GLCCI1: variants seen among roughly 807,000 people sequenced by gnomAD.
GLCCI1 encodes the protein glucocorticoid-induced transcript 1 protein.
In GLCCI1, 24 loss-of-function variants were observed where a neutral mutation model predicts 52.2. That is an observed-to-expected ratio of 0.46 (90% CI 0.33 to 0.65). The LOEUF (loss-of-function observed/expected upper bound fraction) is 0.65, where lower values mean the gene tolerates loss of function less well. GLCCI1 is among the 30% of genes least tolerant of loss of function. GLCCI1 has a pLI of 0.02. For synonymous variants in GLCCI1, 310 were observed against 276.5 expected, an observed-to-expected ratio of 1.12 and a Z score of -1.20; for missense variants, 704 against 701.5, an observed-to-expected ratio of 1.00 and a Z score of -0.04.
chr7:8,081,474 C>A (rs1025921126), intron 6 of GLCCI1, among the ~76,000 whole-genome samples: 1 of 152,134 alleles, frequency 6.6e-6, no homozygotes, highest in Non-Finnish European at 1.5e-5. Flanking sequence ...ATGAATCAAC[C>A]TTTATATATG....
intron 5 of GLCCI1, among the ~76,000 whole-genome samples, chr7:8,067,717 G>C (rs772002349): frequency 6.6e-6 from 1 of 152,236 alleles, no homozygotes; most frequent in Non-Finnish European, 1.5e-5. Flanking sequence ...AAGGTCTTCT[G>C]TTGGCCTCAT....
chr7:7,985,691 T>A (rs1186352797), intron 1 of GLCCI1, among the ~76,000 whole-genome samples: 1 of 152,224 alleles, frequency 6.6e-6, no homozygotes, highest in Non-Finnish European at 1.5e-5. Flanking sequence ...ACCTCAGAGT[T>A]ATTTGGTAAG....
rs148299267 is a variant in GLCCI1 at position 8,021,032 on chromosome 7, A to G, written c.610-1451A>G. Among the ~76,000 whole-genome samples the G allele has an allele frequency of 5.6e-3, 860 of 152,296 alleles. 4 individuals carry two copies. Among genetic ancestry groups the G allele is most frequent in the African/African-American group, 0.019 (802 of 41,580 alleles). On this transcript the variant is annotated intron_variant, in intron 2 of 7. Transcript: ENST00000223145. ...ATTGAATAAAGTATTTTACTCTGTC[A>G]ATTGACTTAAAAACTTCTTTTTACT...
rs983781838 is a variant in GLCCI1, at chr7:8,087,179, TCATTA to T, written c.*646_*650del. 1.3e-5 allele frequency: 2 copies of T among 152,652 alleles called. No individual in the cohort carries two copies. Among genetic ancestry groups the T allele is most frequent in the African/African-American group, 4.8e-5 (2 of 41,452 alleles). 9.5% of individuals were successfully genotyped at this position (152,652 alleles called of 1,614,324 possible). ...CCTTATTTTATGCATTTCCCTTTCC[TCATTA>T]CATTCCACATTCTTAGAATAAGAAG... is the stretch of plus-strand genomic sequence containing the variant. On this transcript the variant is annotated 3_prime_UTR_variant, in exon 8 of 8. Coordinates refer to ENST00000223145, the MANE Select transcript of GLCCI1 (RefSeq NM_138426.4).
chr7:7,969,021 G>T lies in GLCCI1; in HGVS notation c.-330G>T. On this transcript the variant is annotated 5_prime_UTR_variant, in exon 1 of 8. Coordinates refer to ENST00000223145, the MANE Select transcript of GLCCI1 (RefSeq NM_138426.4). This position sits in a 1 kb window ranked among gnomAD's most constrained non-coding sequence, Gnocchi z 4.9. ...AGCGGCCCTCGGGGCTGCGTGATCC[G>T]GGCCGTTGCCCTGTCAGCACGATGC... The T allele has an allele frequency of 6.1e-6, 1 of 162,850 alleles. No individual in the cohort carries two copies. The highest frequency in any genetic ancestry group is 1.3e-5 in the Non-Finnish European group (1 of 74,626). 10.1% of individuals were successfully genotyped at this position (162,850 alleles called of 1,614,324 possible). A position where few individuals can be genotyped will look rare whatever the true frequency, so the allele number is the denominator to read the frequency against.
chr7:8,005,255 A>G (rs767646414), intron 2 of GLCCI1, among the ~76,000 whole-genome samples: 85 of 152,226 alleles, frequency 5.6e-4, no homozygotes, highest in Non-Finnish European at 4.1e-4. Context: ...AATAAAATTT[A>G]AAAATAATTT....
chr7:8,023,421 G>A (rs1475396179), intron 3 of GLCCI1, among the ~76,000 whole-genome samples: 1 of 151,786 alleles, frequency 6.6e-6, no homozygotes, highest in Non-Finnish European at 1.5e-5. Context: ...AACCTGAGGT[G>A]TCATATCTTT....
At chr7:7,991,315 T>A (rs1780834995) in intron 1 of GLCCI1, among the ~76,000 whole-genome samples, 1 of 152,098 alleles carries the variant, frequency 6.6e-6, no homozygotes, top group African/African-American at 2.4e-5. Context: ...TTAGATATCA[T>A]GAGAAGGGCT....
At chr7:8,068,296 G>T (rs183234950) in intron 5 of GLCCI1, among the ~76,000 whole-genome samples, 106 of 152,268 alleles carry the variant, frequency 7.0e-4, no homozygotes, top group African/African-American at 2.3e-3. Context: ...GTTGCAGTGA[G>T]CCGAGATTGT....
intron 1 of GLCCI1, among the ~76,000 whole-genome samples, chr7:7,997,115 A>G (rs868467419): frequency 6.6e-6 from 1 of 152,206 alleles, no homozygotes; most frequent in Non-Finnish European, 1.5e-5. Context: ...TAATAATTCT[A>G]TTGGATGATA....
Position 7,969,460 on chromosome 7 carries a change from C to G in GLCCI1, c.110C>G (p.Ala37Gly). 8.7e-7 allele frequency: 1 copy of G among 1,149,318 alleles called. No homozygotes were observed. Among genetic ancestry groups the G allele is most frequent in the Admixed American group, 4.7e-5 (1 of 21,476 alleles). 71.2% of individuals were successfully genotyped at this position (1,149,318 alleles called of 1,614,324 possible). Residue 37 changes from alanine to glycine, a missense_variant, in exon 1 of 8, where the codon GCC becomes GGC. Ala to Gly is a moderately conservative substitution (Grantham distance 60). Transcript: ENST00000223145. This position sits in a 1 kb window ranked among gnomAD's most constrained non-coding sequence, Gnocchi z 4.9. ...AAGSPPAVAA[A>G]GSGNGAGGGG... ...GGGTCCCCGCCCGCCGTCGCCGCCG[C>G]CGGGAGCGGGAACGGTGCGGGCGGC...
At chr7:7,985,550 AC>A (rs1780706754) in intron 1 of GLCCI1, among the ~76,000 whole-genome samples, 2 of 152,150 alleles carry the variant, frequency 1.3e-5, no homozygotes, top group Admixed American at 1.3e-4. Flanking sequence ...TTAAAAAAAA[AC>A]CAGTGAACAC....
chr7:8,022,094 T>C (rs928362653), intron 2 of GLCCI1, among the ~76,000 whole-genome samples: 6 of 152,220 alleles, frequency 3.9e-5, no homozygotes, highest in African/African-American at 1.4e-4. Context: ...TTAATACTAT[T>C]GCTTTTGAGA....
chr7:8,085,447 G>C (rs538764885), intron 7 of GLCCI1, among the ~76,000 whole-genome samples: 1 of 152,246 alleles, frequency 6.6e-6, no homozygotes, highest in East Asian at 1.9e-4. Flanking sequence ...GTTCACAAGG[G>C]GTTTGTTATC....
chr7:8,061,887 G>A (rs998033093), intron 5 of GLCCI1, among the ~76,000 whole-genome samples: 1 of 151,380 alleles, frequency 6.6e-6, no homozygotes, highest in African/African-American at 2.4e-5. Context: ...GGCTGGTCTC[G>A]AACTCCTCAC....
At chr7:8,039,422 A>G (rs1781946913) in intron 3 of GLCCI1, among the ~76,000 whole-genome samples, 2 of 152,168 alleles carry the variant, frequency 1.3e-5, no homozygotes, top group Non-Finnish European at 2.9e-5. Flanking sequence ...GTGTATATAT[A>G]TGTATATACA....
Position 8,088,235 on chromosome 7 carries a change from TATGTTTGTGTG to T in GLCCI1, c.*1698_*1708del, listed in dbSNP as rs1197598919. On this transcript the variant is annotated 3_prime_UTR_variant, in exon 8 of 8. Coordinates refer to ENST00000223145, the MANE Select transcript of GLCCI1 (RefSeq NM_138426.4). ...TTTTAAGAAATGATATATATATGTATATGTTTGTGTGTGTGTGTGTGTGTGTGTGTGTGTGT... is the reference window on the plus strand; with the variant it reads ...TTTTAAGAAATGATATATATATGTATTGTGTGTGTGTGTGTGTGTGTGTGT... 12 of 101,448 alleles carry T rather than the reference TATGTTTGTGTG, an allele frequency of 1.2e-4. No homozygotes were observed. Among genetic ancestry groups the T allele is most frequent in the African/African-American group, 5.1e-4 (12 of 23,482 alleles). 6.3% of individuals were successfully genotyped at this position (101,448 alleles called of 1,614,324 possible).
intron 3 of GLCCI1, among the ~76,000 whole-genome samples, chr7:8,037,946 G>T (rs1359650258): frequency 6.6e-6 from 1 of 152,154 alleles, no homozygotes; most frequent in Non-Finnish European, 1.5e-5. Flanking sequence ...GTGGATAGGG[G>T]ACTTCAGCCC....
intron 1 of GLCCI1, among the ~76,000 whole-genome samples, chr7:8,000,687 GT>G (rs1583960149): frequency 1.3e-5 from 2 of 148,648 alleles, no homozygotes; most frequent in African/African-American, 5.0e-5. Context: ...ATAATATTCA[GT>G]ATCATAAAAT....
Sources: allele counts gnomAD v4.1 joint callset (sites outside exome capture counted in the v4.1 genomes callset), GRCh38; gene constraint gnomAD v4.1.1; non-coding constraint Gnocchi (gnomAD v3.1); transcripts MANE v1.5; gene names NCBI Gene and HGNC (gene_info 2026-07-23, HGNC 2026-07-21).